The following PPFIBP1 variants were observed in gnomAD, a reference collection of about 807,000 sequenced individuals.
The protein encoded by PPFIBP1 is liprin-beta-1.
PPFIBP1 carries 112 observed loss-of-function variants against 137.8 expected under a neutral mutation model. That is an observed-to-expected ratio of 0.81 (90% confidence interval 0.70 to 0.95). The LOEUF (loss-of-function observed/expected upper bound fraction) is 0.95, where lower values mean the gene tolerates loss of function less well. Ranked by LOEUF, PPFIBP1 falls within the 40% of genes least tolerant of loss-of-function variation. The pLI, the probability that PPFIBP1 is intolerant of heterozygous loss-of-function variation, is 0.00. For missense variants in PPFIBP1, 1,083 were observed against 1,196.6 expected, an observed-to-expected ratio of 0.91 and a Z score of 1.40; for synonymous variants, 378 against 417.3, an observed-to-expected ratio of 0.91 and a Z score of 1.15.
intron 1 of PPFIBP1, among the ~76,000 whole-genome samples, chr12:27,537,484 G>C (rs920576438): frequency 6.6e-6 from 1 of 152,034 alleles, no homozygotes; most frequent in Admixed American, 6.6e-5. Context: ...AAGTAAGTTT[G>C]GTTCCAGGCC....
intron 1 of PPFIBP1, among the ~76,000 whole-genome samples, chr12:27,534,986 A>C (rs532643045): frequency 5.9e-5 from 9 of 152,232 alleles, no homozygotes; most frequent in Non-Finnish European, 1.2e-4. Context: ...CCACTACCCC[A>C]TCAGTCCATT....
intron 2 of PPFIBP1, among the ~76,000 whole-genome samples, chr12:27,614,622 C>T (rs950636617): frequency 6.6e-6 from 1 of 152,064 alleles, no homozygotes; most frequent in Non-Finnish European, 1.5e-5. Flanking sequence ...TGGGTATAGG[C>T]AGAGAGAGCC....
At chr12:27,630,984 T>C (rs1233535653) in intron 2 of PPFIBP1, among the ~76,000 whole-genome samples, 2 of 152,156 alleles carry the variant, frequency 1.3e-5, no homozygotes, top group African/African-American at 4.8e-5. Flanking sequence ...TCTGCAGGGT[T>C]GTAGGAGCCC....
At chr12:27,563,869 C>CTTTT (rs570467910) in intron 1 of PPFIBP1, among the ~76,000 whole-genome samples, 18 of 142,960 alleles carry the variant, frequency 1.3e-4, no homozygotes, top group Non-Finnish European at 1.4e-4. Context: ...AAACACTTCC[C>CTTTT]TTTTTTTTTT....
At chr12:27,631,695 A>AAGCTCATTAAATAGAACAGAGAAGAACTC in intron 2 of PPFIBP1, among the ~76,000 whole-genome samples, 1 of 152,224 alleles carries the variant, frequency 6.6e-6, no homozygotes. Context: ...AGCATTTGAA[A>AAGCTCATTAAATAGAACAGAGAAGAACTC]GGCTCATTAA....
In PPFIBP1 at chr12:27,650,020, G is replaced by A; in HGVS notation, c.482G>A (p.Ser161Asn). 1 of 1,603,092 alleles carries A rather than the reference G, an allele frequency of 6.2e-7. No individual in the cohort carries two copies. The highest frequency in any genetic ancestry group is 8.5e-7 in the Non-Finnish European group (1 of 1,171,030). ...TEEMLQQELL[S>N]RTSLETQKLD... ...GTTAAATTATAATAGGAGCTTCTAA[G>A]TAGGACATCCTTAGAAACTCAGAAG... Residue 161 changes from serine to asparagine, a missense_variant, in exon 7 of 30, where the codon AGT becomes AAT. By Grantham distance (46) the Ser-to-Asn change is conservative (BLOSUM62 1). Transcript: ENST00000228425.
At chr12:27,659,244 G>T (rs1212711071) in intron 10 of PPFIBP1, among the ~76,000 whole-genome samples, 1 of 152,144 alleles carries the variant, frequency 6.6e-6, no homozygotes, top group African/African-American at 2.4e-5. Flanking sequence ...TCAATGTTTT[G>T]AAGTCCACTA....
At chr12:27,674,331 C>T in intron 17 of PPFIBP1, 110 bp downstream of exon 17, 1 of 687,286 alleles carries the variant, frequency 1.5e-6, no homozygotes, top group Non-Finnish European at 2.4e-6. Context: ...GAACATTATG[C>T]TAAATGAAGC....
intron 4 of PPFIBP1, among the ~76,000 whole-genome samples, chr12:27,637,640 A>G (rs2057778909): frequency 6.6e-6 from 1 of 152,172 alleles, no homozygotes; most frequent in Admixed American, 6.5e-5. Flanking sequence ...ACAGAGAATG[A>G]CAGGATGAAA....
chr12:27,674,194 A>G lies in PPFIBP1; in HGVS notation c.1383A>G (p.Glu461=). Reference sequence around the variant, plus strand: ...AATATTGTTATTGCTTTGAACAGGAAAAGGAAACTATTCAGAAGACTTCAG... The same window carrying G: ...AATATTGTTATTGCTTTGAACAGGAGAAGGAAACTATTCAGAAGACTTCAG... The part of the protein sequence containing the change: ...GNLKKETSDG[E]KETIQKTSED... Residue 461 remains glutamate, a splice_region_variant and synonymous_variant, in exon 17 of 30, where the codon GAA becomes GAG. Coordinates refer to ENST00000228425, the MANE Select transcript of PPFIBP1 (RefSeq NM_003622.4). 6.3e-7 allele frequency: 1 copy of G among 1,595,456 alleles called. No homozygotes were observed. Among genetic ancestry groups the G allele is most frequent in the East Asian group, 2.2e-5 (1 of 44,574 alleles).
chr12:27,585,861 G>A (rs1480890382), intron 2 of PPFIBP1, among the ~76,000 whole-genome samples: 6 of 152,140 alleles, frequency 3.9e-5, no homozygotes, highest in African/African-American at 7.2e-5. Context: ...ATTGGAGCAC[G>A]AAGGTACAAG....
chr12:27,654,782 C>CTTCA lies in PPFIBP1; in HGVS notation c.665_668dup (p.Gln223HisfsTer4), dbSNP rs1271205100. Reference sequence around the variant, plus strand: ...AGTTAGTGAAATGGACAGTGAGAGACTTCAGTATGAAAAAAAGCTTAAATC... The same window carrying CTTCA: ...AGTTAGTGAAATGGACAGTGAGAGACTTCATTCAGTATGAAAAAAAGCTTAAATC... On this transcript the variant is annotated frameshift_variant, in exon 8 of 30. Transcript: ENST00000228425. LOFTEE classifies it high-confidence loss of function. 1 of 1,612,020 alleles carries CTTCA rather than the reference C, an allele frequency of 6.2e-7. No individual in the cohort carries two copies. The highest frequency in any genetic ancestry group is 1.1e-5 in the South Asian group (1 of 90,676).
chr12:27,678,595 C>T (rs1235360370), intron 19 of PPFIBP1, among the ~76,000 whole-genome samples: 2 of 152,040 alleles, frequency 1.3e-5, no homozygotes, highest in Non-Finnish European at 2.9e-5. Flanking sequence ...CGTGGTGGCT[C>T]ACGCCTGTAA....
At chr12:27,599,478 G>T (rs1320438007) in intron 2 of PPFIBP1, 1 of 455,744 alleles carries the variant, frequency 2.2e-6, no homozygotes, top group Non-Finnish European at 4.4e-6. Flanking sequence ...CTACATAAAT[G>T]CGTGAGCCAA....
rs368391439 is a variant in PPFIBP1, at chr12:27,678,582, A to G, written c.1616-907A>G. 9.2e-5 allele frequency among the ~76,000 whole-genome samples: 14 copies of G among 152,294 alleles called. 1 individual carries two copies. The highest frequency in any genetic ancestry group is 6.5e-4 in the Admixed American group (10 of 15,304). On this transcript the variant is annotated intron_variant, in intron 19 of 29. Coordinates refer to ENST00000228425, the MANE Select transcript of PPFIBP1 (RefSeq NM_003622.4). Reference sequence around the variant, plus strand: ...ATAAGAACATTTAAGAGACGAGGCCAGGCGTGGTGGCTCACGCCTGTAATC... The same window carrying G: ...ATAAGAACATTTAAGAGACGAGGCCGGGCGTGGTGGCTCACGCCTGTAATC...
intron 28 of PPFIBP1, among the ~76,000 whole-genome samples, chr12:27,692,266 C>G (rs901947577): frequency 6.6e-6 from 1 of 152,152 alleles, no homozygotes; most frequent in Non-Finnish European, 1.5e-5. Flanking sequence ...TTTGCCATCT[C>G]TGTATTAAAA....
chr12:27,537,374 G>A (rs1417150935), intron 1 of PPFIBP1, among the ~76,000 whole-genome samples: 3 of 152,224 alleles, frequency 2.0e-5, no homozygotes, highest in Admixed American at 1.3e-4. Context: ...CTCGTGATCC[G>A]CCGGCCTCGG....
At chr12:27,662,301 C>T (rs1051642140) in intron 11 of PPFIBP1, among the ~76,000 whole-genome samples, 8 of 152,216 alleles carry the variant, frequency 5.3e-5, no homozygotes, top group Non-Finnish European at 1.0e-4. Context: ...GGAGTCGGGG[C>T]GTGGGGCTGA....
At chr12:27,639,872 C>T (rs1322100916) in intron 4 of PPFIBP1, among the ~76,000 whole-genome samples, 1 of 152,180 alleles carries the variant, frequency 6.6e-6, no homozygotes, top group Admixed American at 6.5e-5. Context: ...GCTGTTCTTC[C>T]TGAGTCCCTG....
Sources: gnomAD v4.1 joint callset for allele counts (sites outside exome capture counted in the v4.1 genomes callset) on GRCh38, gnomAD v4.1.1 for gene constraint, MANE v1.5 for transcripts, NCBI Gene and HGNC (gene_info 2026-07-23, HGNC 2026-07-21) for gene names.